SLC9A9: variants seen among roughly 807,000 people sequenced by gnomAD.
The protein encoded by SLC9A9 is solute carrier family 9 member A9.
Under a neutral mutation model 77.8 loss-of-function variants are expected in SLC9A9, and 62 were observed. The observed-to-expected ratio is 0.80, with a 90% CI of 0.65 to 0.98. The LOEUF (loss-of-function observed/expected upper bound fraction) is 0.98, where lower values mean the gene tolerates loss of function less well. Among genes scored for constraint, SLC9A9 ranks in the 50% least tolerant of loss-of-function variants. SLC9A9 has a pLI of 0.00. For missense variants in SLC9A9, 775 were observed against 774.9 expected (o/e 1.00, Z 0.00); for synonymous variants, 320 against 283.5 (o/e 1.13, Z -1.29).
At chr3:143,829,123 T>C (rs898716575) in intron 2 of SLC9A9, among the ~76,000 whole-genome samples, 2 of 152,200 alleles carry the variant, frequency 1.3e-5, no homozygotes, top group East Asian at 1.9e-4. Context: ...TATGAAATGA[T>C]GAGGTTCAAT....
At chr3:143,703,713 A>C (rs11927598) in intron 4 of SLC9A9, among the ~76,000 whole-genome samples, 2 of 151,778 alleles carry the variant, frequency 1.3e-5, no homozygotes, top group African/African-American at 4.8e-5. Flanking sequence ...GAAATAATAA[A>C]GATCAGAGCA....
intron 12 of SLC9A9, among the ~76,000 whole-genome samples, chr3:143,396,585 A>T (rs2033735402): frequency 6.6e-6 from 1 of 152,210 alleles, no homozygotes; most frequent in Non-Finnish European, 1.5e-5. Context: ...TAGACCTTAA[A>T]GTATAATAAT....
chr3:143,530,674 C>CAAAA (rs77309463), intron 9 of SLC9A9, among the ~76,000 whole-genome samples: 17,712 of 122,292 alleles, frequency 0.14, 1,169 homozygotes, highest in Middle Eastern at 0.2. Context: ...AACAAACAAA[C>CAAAA]AAAAACCAAA....
chr3:143,497,605 G>C (rs762837385), intron 9 of SLC9A9, among the ~76,000 whole-genome samples: 13 of 152,146 alleles, frequency 8.5e-5, no homozygotes, highest in Non-Finnish European at 1.2e-4. Flanking sequence ...GGAAATGGCC[G>C]CCTGAAAGAG....
chr3:143,836,395 C>A (rs920430617), intron 1 of SLC9A9, among the ~76,000 whole-genome samples: 3 of 152,222 alleles, frequency 2.0e-5, no homozygotes, highest in African/African-American at 7.2e-5. Context: ...TGTAGCCCAA[C>A]TTTCTCCAAG....
intron 14 of SLC9A9, among the ~76,000 whole-genome samples, chr3:143,354,632 G>T (rs1432848592): frequency 1.3e-5 from 2 of 152,202 alleles, no homozygotes; most frequent in Non-Finnish European, 2.9e-5. Context: ...AATTGAAAAG[G>T]AGTGACCAAG....
chr3:143,594,774 G>A (rs1217787408), intron 6 of SLC9A9, among the ~76,000 whole-genome samples: 1 of 151,968 alleles, frequency 6.6e-6, no homozygotes, highest in Non-Finnish European at 1.5e-5. Flanking sequence ...AAAAAATGTG[G>A]CCCCAAGGGC....
intron 13 of SLC9A9, among the ~76,000 whole-genome samples, chr3:143,364,821 A>G (rs75225411): frequency 0.016 from 2,420 of 152,224 alleles, 31 homozygotes; most frequent in South Asian, 0.075. Context: ...TTTTTCATTG[A>G]TTGTCTTAAG....
At chr3:143,706,534 TAAAGTA>T (rs1207780983) in intron 4 of SLC9A9, among the ~76,000 whole-genome samples, 2 of 152,226 alleles carry the variant, frequency 1.3e-5, no homozygotes, top group Non-Finnish European at 2.9e-5. Context: ...TATGGCATGT[TAAAGTA>T]AAACAGGGAG....
intron 2 of SLC9A9, among the ~76,000 whole-genome samples, chr3:143,815,709 C>CA (rs200417877): frequency 0.3 from 45,026 of 151,356 alleles, 6,822 homozygotes; most frequent in South Asian, 0.38. Context: ...ACTAAAAATA[C>CA]AAAAAAATTA....
chr3:143,799,332 T>G (rs2008483972), intron 2 of SLC9A9, among the ~76,000 whole-genome samples: 1 of 152,118 alleles, frequency 6.6e-6, no homozygotes, highest in African/African-American at 2.4e-5. Context: ...GCTTCGAAAA[T>G]TAAATTCCAG....
chr3:143,273,061 T>C (rs1179915491), intron 14 of SLC9A9, among the ~76,000 whole-genome samples: 1 of 152,278 alleles, frequency 6.6e-6, no homozygotes, highest in Non-Finnish European at 1.5e-5. Flanking sequence ...GTGACATTGA[T>C]TGATCTTTTG....
chr3:143,712,009 G>A (rs1934209725), intron 4 of SLC9A9, among the ~76,000 whole-genome samples: 1 of 152,082 alleles, frequency 6.6e-6, no homozygotes, highest in African/African-American at 2.4e-5. Context: ...CTTCATCTAT[G>A]GCCCTGCAAC....
At chr3:143,822,916 T>C (rs1181672956) in intron 2 of SLC9A9, among the ~76,000 whole-genome samples, 1 of 152,184 alleles carries the variant, frequency 6.6e-6, no homozygotes, top group African/African-American at 2.4e-5. Flanking sequence ...TACGCAATTA[T>C]TTGGAGAGCA....
chr3:143,674,800 A>G (rs796746744), intron 5 of SLC9A9, among the ~76,000 whole-genome samples: 4 of 152,322 alleles, frequency 2.6e-5, no homozygotes, highest in African/African-American at 9.6e-5. Context: ...CACCCTTGAA[A>G]TTACATACAG....
At position 143,621,339 on chromosome 3, in the gene SLC9A9, G is replaced by A. The variant is rs905567108; in HGVS notation, c.755+30916C>T. On this transcript the variant is annotated intron_variant, in intron 6 of 15. Transcript: ENST00000316549. ...CTCCTCAAGTGGGTCCCTGACCCCC[G>A]AATAGCCTAACTGGGAGGCACCCCC... Among the ~76,000 whole-genome samples, 21 of 152,282 alleles carry A rather than the reference G, an allele frequency of 1.4e-4. No homozygotes were observed. The East Asian group carries it at 1.7e-3, about 13-fold the overall frequency.
At chr3:143,305,060 ATTCCC>A (rs148968365) in intron 14 of SLC9A9, among the ~76,000 whole-genome samples, 103 of 152,292 alleles carry the variant, frequency 6.8e-4, no homozygotes, top group African/African-American at 2.5e-3. Context: ...TGAGAAAATG[ATTCCC>A]TTCCATCTAC....
intron 6 of SLC9A9, among the ~76,000 whole-genome samples, chr3:143,625,983 G>C (rs930221673): frequency 5.3e-5 from 8 of 152,150 alleles, no homozygotes; most frequent in African/African-American, 1.9e-4. Context: ...CTCAAAAGAA[G>C]ACATTTATGC....
At chr3:143,844,745 C>CTTTCT (rs1275530442) in intron 1 of SLC9A9, among the ~76,000 whole-genome samples, 1 of 145,950 alleles carries the variant, frequency 6.9e-6, no homozygotes, top group South Asian at 2.3e-4. Context: ...TTCTTTCTTT[C>CTTTCT]TTTCTTTCTT....
Sources: gnomAD v4.1 joint callset for allele counts (sites outside exome capture counted in the v4.1 genomes callset) on GRCh38, gnomAD v4.1.1 for gene constraint, MANE v1.5 for transcripts, NCBI Gene and HGNC (gene_info 2026-07-23, HGNC 2026-07-21) for gene names.